Variants in METTL15 observed in about 807,000 individuals in gnomAD.
METTL15 encodes the protein methyltransferase 15, mitochondrial 12S rRNA N4-cytidine.
A neutral mutation model predicts 38.3 loss-of-function variants in METTL15; 34 were observed. The observed-to-expected ratio is 0.89, with a 90% CI of 0.68 to 1.18. METTL15 has a LOEUF of 1.18. Ranked by LOEUF, METTL15 falls within the 50% of genes most tolerant of loss-of-function variation. METTL15 has a pLI of 0.00. For synonymous variants in METTL15, 162 were observed against 170.9 expected (o/e 0.95, Z 0.41); for missense variants, 438 against 498.4 (o/e 0.88, Z 1.15).
chr11:28,455,698 A>ATTTAT (rs991450861), intron 6 of METTL15, among the ~76,000 whole-genome samples: 2 of 151,788 alleles, frequency 1.3e-5, no homozygotes, highest in East Asian at 1.9e-4. Flanking sequence ...ATGGTTTCTT[A>ATTTAT]TTTATTTTAT....
chr11:28,447,924 C>T (rs994341919), intron 6 of METTL15, among the ~76,000 whole-genome samples: 20 of 152,224 alleles, frequency 1.3e-4, no homozygotes, highest in African/African-American at 4.8e-4. Flanking sequence ...AGTAATGTTC[C>T]TCACATAACT....
At chr11:28,449,380 A>T (rs995389286) in intron 6 of METTL15, among the ~76,000 whole-genome samples, 2 of 152,196 alleles carry the variant, frequency 1.3e-5, no homozygotes. Flanking sequence ...GAAGCATGGA[A>T]ATTAATTCAG....
chr11:28,289,649 T>C (rs376585713), intron 4 of METTL15, among the ~76,000 whole-genome samples: 2 of 152,166 alleles, frequency 1.3e-5, no homozygotes, highest in East Asian at 1.9e-4. Context: ...TGCTGAGAGA[T>C]AATACATTGC....
chr11:28,384,604 C>T (rs1850421936), intron 5 of METTL15, among the ~76,000 whole-genome samples: 1 of 152,080 alleles, frequency 6.6e-6, no homozygotes, highest in South Asian at 2.1e-4. Flanking sequence ...GCCACCACAC[C>T]CAGCCACATG....
chr11:28,285,661 A>G (rs912364132), intron 4 of METTL15, among the ~76,000 whole-genome samples: 10 of 152,284 alleles, frequency 6.6e-5, no homozygotes, highest in Middle Eastern at 3.4e-3. Context: ...GGCCTGGTTA[A>G]TCTTTCTCTC....
chr11:28,120,447 C>T (rs1055731633), intron 3 of METTL15, among the ~76,000 whole-genome samples: 7 of 151,714 alleles, frequency 4.6e-5, no homozygotes, highest in African/African-American at 1.7e-4. Context: ...ATTAAAATAT[C>T]TTCTGAAATG....
chr11:28,249,711 A>G (rs986578377), intron 4 of METTL15, among the ~76,000 whole-genome samples: 5 of 151,914 alleles, frequency 3.3e-5, no homozygotes, highest in African/African-American at 7.2e-5. Context: ...CTAATTTGCT[A>G]CTACACTAAG....
chr11:28,378,813 T>A (rs1348479342), intron 5 of METTL15, among the ~76,000 whole-genome samples: 4 of 151,202 alleles, frequency 2.6e-5, no homozygotes, highest in Middle Eastern at 6.8e-3. Context: ...TAGTCTTCTT[T>A]AAATATTTAG....
intron 3 of METTL15, among the ~76,000 whole-genome samples, chr11:28,153,549 T>G (rs2133691848): frequency 6.6e-6 from 1 of 152,056 alleles, no homozygotes; most frequent in South Asian, 2.1e-4. Flanking sequence ...GGAGAGAGAG[T>G]GAATAGATAA....
intron 6 of METTL15, among the ~76,000 whole-genome samples, chr11:28,447,890 G>A (rs114460368): frequency 6.1e-4 from 93 of 152,090 alleles, no homozygotes; most frequent in African/African-American, 2.0e-3. Context: ...ATTCTGAGAC[G>A]ATTCAGAGAA....
chr11:28,124,729 G>T lies in METTL15; in HGVS notation c.270+11125G>T, dbSNP rs139717729. Among the ~76,000 whole-genome samples the T allele has an allele frequency of 3.0e-4, 46 of 152,158 alleles. No individual in the cohort carries two copies. In the East Asian group the frequency reaches 8.1e-3, roughly 27 times the overall value. On this transcript the variant is annotated intron_variant, in intron 3 of 6. Coordinates refer to ENST00000407364, the MANE Select transcript of METTL15 (RefSeq NM_001113528.2). ...CGTTTTCCCTGCTTTCTCTAGCACC[G>T]AGGTACCATTAGTCTCTTGTCTATG...
At chr11:28,455,471 T>C (rs769352723) in intron 6 of METTL15, among the ~76,000 whole-genome samples, 41 of 152,294 alleles carry the variant, frequency 2.7e-4, no homozygotes, top group South Asian at 1.2e-3. Context: ...TGTAAAAACC[T>C]GTCCTATAAT....
intron 3 of METTL15, among the ~76,000 whole-genome samples, chr11:28,144,132 G>A (rs182195330): frequency 1.3e-5 from 2 of 152,222 alleles, no homozygotes; most frequent in East Asian, 3.9e-4. Context: ...CTTTTATGTA[G>A]TGGATTGCAA....
At chr11:28,506,545 C>G (rs953267003) in intron 6 of METTL15, among the ~76,000 whole-genome samples, 2 of 152,074 alleles carry the variant, frequency 1.3e-5, no homozygotes, top group Non-Finnish European at 2.9e-5. Flanking sequence ...TAAAAGATTA[C>G]TCATTCAATA....
At chr11:28,442,859 A>G (rs1352731434) in intron 6 of METTL15, among the ~76,000 whole-genome samples, 1 of 151,898 alleles carries the variant, frequency 6.6e-6, no homozygotes, top group Non-Finnish European at 1.5e-5. Context: ...TCCAACCTCC[A>G]TTTCTAAATG....
chr11:28,263,801 ATCTT>A (rs1172914959), intron 4 of METTL15, among the ~76,000 whole-genome samples: 29 of 151,896 alleles, frequency 1.9e-4, no homozygotes, highest in African/African-American at 6.3e-4. Context: ...CTTCGTTTTT[ATCTT>A]TCTTTTTCCT....
intron 4 of METTL15, among the ~76,000 whole-genome samples, chr11:28,222,495 A>C (rs1187909085): frequency 1.3e-5 from 2 of 152,118 alleles, no homozygotes; most frequent in Non-Finnish European, 2.9e-5. Context: ...GACCCCTTGC[A>C]CTTCTGGGGT....
At chr11:28,194,327 T>C (rs1851829097) in intron 3 of METTL15, among the ~76,000 whole-genome samples, 1 of 151,616 alleles carries the variant, frequency 6.6e-6, no homozygotes, top group Admixed American at 6.6e-5. Flanking sequence ...GCCTCCTGAG[T>C]AGCTGGGATT....
At chr11:28,245,748 C>CT (rs995317678) in intron 4 of METTL15, among the ~76,000 whole-genome samples, 23 of 152,104 alleles carry the variant, frequency 1.5e-4, no homozygotes, top group African/African-American at 5.6e-4. Context: ...CCTCAGGAAA[C>CT]TTACAGTCAT....
Sources: gnomAD v4.1 joint callset for allele counts (sites outside exome capture counted in the v4.1 genomes callset) on GRCh38, gnomAD v4.1.1 for gene constraint, MANE v1.5 for transcripts, NCBI Gene and HGNC (gene_info 2026-07-23, HGNC 2026-07-21) for gene names.